PTPRD: variants seen among roughly 807,000 people sequenced by gnomAD.
PTPRD encodes the protein protein tyrosine phosphatase receptor type D.
Under a neutral mutation model 214.5 loss-of-function variants are expected in PTPRD, and 34 were observed. The ratio of observed to expected loss-of-function variants is 0.16; its 90% CI spans 0.12 to 0.21. PTPRD has a LOEUF of 0.21. Ranked by LOEUF, PTPRD falls within the 10% of genes least tolerant of loss-of-function variation. The pLI, the probability that PTPRD is intolerant of heterozygous loss-of-function variation, is 1.00. For missense variants in PTPRD, 2,545 were observed against 2,398.7 expected, an observed-to-expected ratio of 1.06 and a Z score of -1.27; for synonymous variants, 1,128 against 845.7, an observed-to-expected ratio of 1.33 and a Z score of -5.79.
chr9:9,434,654 T>C (rs920780435), intron 8 of PTPRD, among the ~76,000 whole-genome samples: 4 of 151,968 alleles, frequency 2.6e-5, no homozygotes, highest in Non-Finnish European at 4.4e-5. Context: ...TAAAACAGCA[T>C]GGTACTGGCA....
chr9:8,487,703 G>A (rs754379197), intron 27 of PTPRD, among the ~76,000 whole-genome samples: 1 of 152,050 alleles, frequency 6.6e-6, no homozygotes, highest in South Asian at 2.1e-4. Flanking sequence ...CCAGCTACTC[G>A]GGAGGCTGAG....
rs137926099 is a variant in PTPRD, at chr9:8,626,346, C to G, written c.352+6971G>C. ...ATGGCCTAGGTTAACTTAATCACAC[C>G]TTTTCTCACTTATTAGGTTTATCTC... On this transcript the variant is annotated intron_variant, in intron 14 of 45. Coordinates refer to ENST00000381196, the MANE Select transcript of PTPRD (RefSeq NM_002839.4). 4.0e-5 allele frequency among the ~76,000 whole-genome samples: 6 copies of G among 151,886 alleles called. No individual in the cohort carries two copies. The East Asian group carries it at 1.2e-3, about 30-fold the overall frequency.
chr9:9,329,471 G>A (rs1164916720), intron 9 of PTPRD, among the ~76,000 whole-genome samples: 3 of 152,100 alleles, frequency 2.0e-5, no homozygotes, highest in African/African-American at 7.2e-5. Flanking sequence ...CATTTTGAAT[G>A]ATGAAGTTGG....
At chr9:10,373,387 C>G (rs76972628) in intron 2 of PTPRD, among the ~76,000 whole-genome samples, 1 of 152,162 alleles carries the variant, frequency 6.6e-6, no homozygotes, top group East Asian at 1.9e-4. Flanking sequence ...TTCTTGGAAT[C>G]TAACATTCAG....
chr9:10,132,906 T>C (rs1381711033), intron 3 of PTPRD, among the ~76,000 whole-genome samples: 1 of 152,152 alleles, frequency 6.6e-6, no homozygotes. Flanking sequence ...CACTTTGGCC[T>C]GTATGGCCAA....
chr9:8,947,108 A>G (rs1251827747), intron 11 of PTPRD, among the ~76,000 whole-genome samples: 1 of 122,806 alleles, frequency 8.1e-6, no homozygotes, highest in Non-Finnish European at 1.7e-5. Flanking sequence ...TCTTTATTAT[A>G]TTATTTGTTA....
chr9:9,693,265 G>A (rs2803371), intron 7 of PTPRD, among the ~76,000 whole-genome samples: 90,941 of 151,814 alleles, frequency 0.6, 27,461 homozygotes, highest in East Asian at 0.66. Flanking sequence ...CTGTGTTTAG[G>A]GAGGAATCTG....
chr9:10,281,159 C>G (rs74345088), intron 3 of PTPRD, among the ~76,000 whole-genome samples: 12,708 of 152,026 alleles, frequency 0.084, 1,207 homozygotes, highest in African/African-American at 0.2. Flanking sequence ...GAGTAAATAA[C>G]AAATGAAAAG....
At chr9:10,519,309 C>T (rs908145434) in intron 2 of PTPRD, among the ~76,000 whole-genome samples, 8 of 142,638 alleles carry the variant, frequency 5.6e-5, no homozygotes, top group East Asian at 2.0e-4. Flanking sequence ...TAATGACCTG[C>T]GAATTCTCCT....
Position 10,089,384 on chromosome 9 carries a change from C to T in PTPRD, c.-544-55594G>A, listed in dbSNP as rs531881995. On this transcript the variant is annotated intron_variant, in intron 3 of 45. Transcript: ENST00000381196. ...TTGTATATGGAATAGACTTATTTTG[C>T]CTTCTTTTTGTTTTAAAAAAGTATG... 3.3e-5 allele frequency among the ~76,000 whole-genome samples: 5 copies of T among 151,382 alleles called. No individual in the cohort carries two copies. The East Asian group carries it at 9.8e-4, about 30-fold the overall frequency.
At chr9:8,365,820 G>C (rs2079707411) in intron 39 of PTPRD, among the ~76,000 whole-genome samples, 1 of 152,142 alleles carries the variant, frequency 6.6e-6, no homozygotes. Flanking sequence ...GAAAAGCCTT[G>C]GGGAGAAAGA....
At chr9:9,599,075 CATA>C (rs541590635) in intron 7 of PTPRD, among the ~76,000 whole-genome samples, 137 of 152,094 alleles carry the variant, frequency 9.0e-4, no homozygotes, top group South Asian at 2.1e-3. Flanking sequence ...CTAACCACAT[CATA>C]ATAAGATCTT....
chr9:10,379,241 G>C (rs955583712), intron 2 of PTPRD, among the ~76,000 whole-genome samples: 1 of 148,304 alleles, frequency 6.7e-6, no homozygotes, highest in East Asian at 2.0e-4. Context: ...AGTTCTAATA[G>C]TTTTTTTTGT....
chr9:9,649,366 G>A (rs559623658), intron 7 of PTPRD, among the ~76,000 whole-genome samples: 1 of 152,050 alleles, frequency 6.6e-6, no homozygotes, highest in South Asian at 2.1e-4. Context: ...CTGTAAAATG[G>A]CAAAATCAGA....
chr9:8,758,587 G>A (rs1251608729), intron 11 of PTPRD, among the ~76,000 whole-genome samples: 1 of 152,022 alleles, frequency 6.6e-6, no homozygotes, highest in Non-Finnish European at 1.5e-5. Flanking sequence ...TAACAAAGAA[G>A]CAAGAAAAGA....
intron 7 of PTPRD, among the ~76,000 whole-genome samples, chr9:9,720,773 A>G (rs1179328985): frequency 2.6e-5 from 4 of 151,946 alleles, no homozygotes; most frequent in African/African-American, 9.7e-5. Context: ...TTGGATAAAT[A>G]AAATGCGATA....
At chr9:9,404,079 T>C (rs1049497880) in intron 8 of PTPRD, among the ~76,000 whole-genome samples, 1 of 151,966 alleles carries the variant, frequency 6.6e-6, no homozygotes, top group African/African-American at 2.4e-5. Flanking sequence ...CCAATGTGAC[T>C]AGAATCTAGT....
chr9:8,611,695 C>A (rs1196584686), intron 14 of PTPRD, among the ~76,000 whole-genome samples: 1 of 139,432 alleles, frequency 7.2e-6, no homozygotes, highest in Non-Finnish European at 1.5e-5. Flanking sequence ...AGTGACAGGG[C>A]AAGACCCTGT....
chr9:9,687,138 C>A (rs2097179946), intron 7 of PTPRD, among the ~76,000 whole-genome samples: 1 of 140,304 alleles, frequency 7.1e-6, no homozygotes, highest in African/African-American at 2.7e-5. Context: ...AATGCATAAA[C>A]AAAACATATA....
Sources: gnomAD v4.1 joint callset for allele counts (sites outside exome capture counted in the v4.1 genomes callset) on GRCh38, gnomAD v4.1.1 for gene constraint, MANE v1.5 for transcripts, NCBI Gene and HGNC (gene_info 2026-07-23, HGNC 2026-07-21) for gene names.